FBN3: variants seen among roughly 807,000 people sequenced by gnomAD.
The protein encoded by FBN3 is fibrillin-3.
Under a neutral mutation model 330.1 loss-of-function variants are expected in FBN3, and 234 were observed. The ratio of observed to expected loss-of-function variants is 0.71; its 90% CI spans 0.64 to 0.79. The LOEUF is 0.79. Among genes scored for constraint, FBN3 ranks in the 30% least tolerant of loss-of-function variants. FBN3 has a pLI of 0.00. For synonymous variants in FBN3, 1,458 were observed against 1,517.3 expected, an observed-to-expected ratio of 0.96 and a Z score of 0.91; for missense variants, 3,606 against 3,886.9, an observed-to-expected ratio of 0.93 and a Z score of 1.92.
rs768029281 is a variant in FBN3, at chr19:8,094,526, G to A, written c.5825C>T (p.Pro1942Leu). The change falls in exon 47 of 64, where the codon CCC becomes CTC. Residue 1942 changes from proline (P) to leucine (L), a missense_variant. Pro to Leu is a moderately conservative substitution (Grantham distance 98). Coordinates refer to ENST00000600128, the MANE Select transcript of FBN3 (RefSeq NM_032447.5). ...ECLSLAGTCL[P>L]GTCQNLEGSF... Reference sequence around the variant, plus strand: ...GCCCTCGAGGTTCTGGCAAGTGCCGGGTAGGCAGGTTCCTGCAAGGCTGAG... The same window carrying A: ...GCCCTCGAGGTTCTGGCAAGTGCCGAGTAGGCAGGTTCCTGCAAGGCTGAG... The A allele has an allele frequency of 1.9e-6, 3 of 1,613,792 alleles. No homozygotes were observed. The African/African-American group carries it at 4.0e-5, about 22-fold the overall frequency.
chr19:8,082,803 T>C (rs1173932535), intron 57 of FBN3, among the ~76,000 whole-genome samples: 85 of 149,894 alleles, frequency 5.7e-4, no homozygotes, highest in African/African-American at 1.7e-3. Context: ...CTGTTTTTTT[T>C]TTTCTTTCTT....
chr19:8,114,565 A>C (rs1244101676), intron 30 of FBN3, among the ~76,000 whole-genome samples: 2 of 151,902 alleles, frequency 1.3e-5, no homozygotes, highest in Non-Finnish European at 2.9e-5. Context: ...TAAAATTTTT[A>C]ATATAGATGG....
intron 31 of FBN3, 69 bp downstream of exon 31, chr19:8,111,908 G>GC (rs371519874): frequency 1.5e-5 from 7 of 465,604 alleles, no homozygotes; most frequent in Non-Finnish European, 2.1e-5. Context: ...CCACTGCCTT[G>GC]CCCCCCACCG....
Position 8,077,617 on chromosome 19 carries a change from C to T in FBN3, c.7454-2206G>A, listed in dbSNP as rs376402705. 3.2e-3 allele frequency among the ~76,000 whole-genome samples: 490 copies of T among 152,134 alleles called. 5 individuals carry two copies. The highest frequency in any genetic ancestry group is 0.011 in the African/African-American group (472 of 41,486). On this transcript the variant is annotated intron_variant, in intron 59 of 63. Transcript: ENST00000600128. ...TCACGCCCCTGCGCTCCAGCCTGGG[C>T]GACAGAGTGAGACTCTGTCTCAAAA... is the stretch of plus-strand genomic sequence containing the variant.
At chr19:8,107,933 G>A (rs1001378118) in intron 37 of FBN3, among the ~76,000 whole-genome samples, 1 of 152,036 alleles carries the variant, frequency 6.6e-6, no homozygotes, top group African/African-American at 2.4e-5. Flanking sequence ...ATGGAAGGAT[G>A]GGGGACAAAT....
chr19:8,145,216 A>C (rs899777884), intron 5 of FBN3, among the ~76,000 whole-genome samples: 5 of 152,238 alleles, frequency 3.3e-5, no homozygotes, highest in Non-Finnish European at 7.4e-5. Context: ...TTTACTAAAA[A>C]TACAAAAATT....
intron 6 of FBN3, 65 bp from the exon 7 acceptor site, chr19:8,142,202 C>G: frequency 1.5e-6 from 2 of 1,320,084 alleles, no homozygotes. Context: ...CTCTGCGTCT[C>G]TAACACCTTC....
At chr19:8,104,125 A>G (rs1270914914) in intron 38 of FBN3, among the ~76,000 whole-genome samples, 1 of 149,140 alleles carries the variant, frequency 6.7e-6, no homozygotes, top group Admixed American at 6.7e-5. Context: ...TCCTGGCTCT[A>G]AAAAACAAAC....
At chr19:8,066,292 C>A in intron 63 of FBN3, 32 bp from the exon 64 acceptor site, 1 of 1,458,850 alleles carries the variant, frequency 6.9e-7, no homozygotes, top group Non-Finnish European at 9.2e-7. Context: ...GTGGTCAGAG[C>A]CCAGGAGAAT....
intron 54 of FBN3, among the ~76,000 whole-genome samples, 157 bp downstream of exon 54, chr19:8,086,920 A>G (rs1349795295): frequency 6.6e-6 from 1 of 151,230 alleles, no homozygotes; most frequent in Non-Finnish European, 1.5e-5. Flanking sequence ...CATTCATTGA[A>G]GCCTCAAATT....
At chr19:8,073,557 C>T (rs1186343173) in intron 61 of FBN3, among the ~76,000 whole-genome samples, 2 of 152,242 alleles carry the variant, frequency 1.3e-5, no homozygotes, top group Non-Finnish European at 2.9e-5. Context: ...CAAGCTTTCT[C>T]ACCCTCAGTG....
Position 8,123,924 on chromosome 19 carries a change from C to T in FBN3, c.2816G>A (p.Cys939Tyr). Residue 939 changes from cysteine (C) to tyrosine (Y), a missense_variant, in exon 23 of 64, where the codon TGC becomes TAC. By Grantham distance (194) the Cys-to-Tyr change is radical. Coordinates refer to ENST00000600128, the MANE Select transcript of FBN3 (RefSeq NM_032447.5). Reference protein sequence around the residue: ...TLPGKYRMDVCCCSIGAVWGV... With the variant: ...TLPGKYRMDVYCCSIGAVWGV... ...CCACACGGCCCCGATGGAGCAGCAG[C>T]AGACGTCCATCCGGTACTTGCCAGG... 6.2e-7 allele frequency: 1 copy of T among 1,614,104 alleles called. No homozygotes were observed. Among genetic ancestry groups the T allele is most frequent in the Non-Finnish European group, 8.5e-7 (1 of 1,180,030 alleles).
In FBN3 at chr19:8,126,513, T is replaced by C; in HGVS notation, c.2509A>G (p.Thr837Ala). 6.2e-7 allele frequency: 1 copy of C among 1,613,204 alleles called. No homozygotes were observed. The highest frequency in any genetic ancestry group is 8.5e-7 in the Non-Finnish European group (1 of 1,179,800). ...GGGCTCCCCCAGGCTGCCCCGAGGG[T>C]GGCGCAGCACTCAGACCGCAGGCTG... is the stretch of plus-strand genomic sequence containing the variant. ...GASLRSECCA[T>A]LGAAWGSPCE... is the part of the protein sequence containing the mutation. The change falls in exon 20 of 64, where the codon ACC becomes GCC. Residue 837 changes from threonine (T) to alanine (A), a missense_variant. By Grantham distance (58) the Thr-to-Ala change is moderately conservative (BLOSUM62 0). Coordinates refer to ENST00000600128, the MANE Select transcript of FBN3 (RefSeq NM_032447.5).
intron 30 of FBN3, among the ~76,000 whole-genome samples, chr19:8,114,399 G>A (rs1012157851): frequency 1.2e-4 from 18 of 151,920 alleles, no homozygotes; most frequent in Admixed American, 8.5e-4. Flanking sequence ...ACAGGCGTGC[G>A]CCACCACGCC....
rs143984778 is a variant in FBN3 at position 8,066,046 on chromosome 19, G to A, written c.8303C>T (p.Pro2768Leu). 7.4e-6 allele frequency: 12 copies of A among 1,613,174 alleles called. No individual in the cohort carries two copies. Among genetic ancestry groups the A allele is most frequent in the East Asian group, 2.2e-5 (1 of 44,880 alleles). The change falls in exon 64 of 64, where the codon CCG (proline) becomes CTG (leucine). Residue 2768 changes from proline (P) to leucine (L), a missense_variant. By Grantham distance (98) the Pro-to-Leu change is moderately conservative (BLOSUM62 -3). Transcript: ENST00000600128. ...VSSLQLGRRR[P>L]GPGTYRLEVV... ...CTCCAGCCGGTAGGTTCCAGGCCCC[G>A]GCCGCCTCCGCCCCAGCTGCAGGGA...
chr19:8,089,775 G>C, intron 50 of FBN3, 105 bp from the exon 51 acceptor site: 1 of 1,563,474 alleles, frequency 6.4e-7, no homozygotes, highest in Non-Finnish European at 8.7e-7. Context: ...GCCCCAGGCT[G>C]GCAGGGTCCA....
At chr19:8,120,165 C>CTTTTT (rs34799960) in intron 25 of FBN3, among the ~76,000 whole-genome samples, 9 of 127,910 alleles carry the variant, frequency 7.0e-5, no homozygotes, top group Admixed American at 1.7e-4. Flanking sequence ...TTCTTTCTTT[C>CTTTTT]TTTTTTTTTT....
chr19:8,065,963 A>C lies in FBN3; in HGVS notation c.8386T>G (p.Trp2796Gly). The change falls in exon 64 of 64, where the codon TGG becomes GGG. Residue 2796 changes from tryptophan (W) to glycine (G), a missense_variant. Trp to Gly is a radical substitution (Grantham distance 184). Transcript: ENST00000600128. ...ACCTTCAGCCTCAAGGCCTGGCCCC[A>C]TGGCCCTGGCTGCCCCTCTGGCTGG... Reference protein sequence around the residue: ...GVQPEGQPGPWGQALRLKVQL... With the variant: ...GVQPEGQPGPGGQALRLKVQL... The C allele has an allele frequency of 6.2e-7, 1 of 1,609,936 alleles. No homozygotes were observed. The highest frequency in any genetic ancestry group is 1.3e-5 in the African/African-American group (1 of 74,998).
intron 42 of FBN3, 62 bp downstream of exon 42, chr19:8,097,227 T>G (rs888435420): frequency 8.3e-6 from 13 of 1,566,428 alleles, no homozygotes; most frequent in Non-Finnish European, 1.1e-5. Flanking sequence ...TCGCCCAGAT[T>G]GCACAGTGGC....
Sources: gnomAD v4.1 joint callset for allele counts (sites outside exome capture counted in the v4.1 genomes callset) on GRCh38, gnomAD v4.1.1 for gene constraint, MANE v1.5 for transcripts, NCBI Gene and HGNC (gene_info 2026-07-23, HGNC 2026-07-21) for gene names.